FTCDNL1: variants seen among roughly 807,000 people sequenced by gnomAD.
FTCDNL1 encodes the protein formiminotransferase N-terminal subdomain-containing protein.
FTCDNL1 carries 11 observed loss-of-function variants against 5.9 expected under a neutral mutation model. The observed-to-expected ratio is 1.87, with a 90% confidence interval of 1.18 to 3.10. The LOEUF is 3.10. FTCDNL1 is among the 30% of genes most tolerant of loss of function. FTCDNL1 has a pLI of 0.00. For synonymous variants in FTCDNL1, 58 were observed against 24.8 expected (o/e 2.34, Z -3.99); for missense variants, 115 against 65.5 (o/e 1.76, Z -2.61).
At chr2:199,671,498 C>T in the FTCDNL1 span, among the ~76,000 whole-genome samples, 1 of 152,122 alleles carries the variant, frequency 6.6e-6, no homozygotes, top group Non-Finnish European at 1.5e-5. Context: ...CTCCCAAACT[C>T]TCTTACATAT....
At chr2:199,680,333 C>T in the FTCDNL1 span, among the ~76,000 whole-genome samples, 1 of 152,126 alleles carries the variant, frequency 6.6e-6, no homozygotes, top group Admixed American at 6.5e-5. Flanking sequence ...ATAACAATTC[C>T]ACTTGAGTAG....
At chr2:199,758,824 T>G (rs112044692), downstream of FTCDNL1, among the ~76,000 whole-genome samples, 7 of 152,272 alleles carry the variant, frequency 4.6e-5, no homozygotes, top group African/African-American at 1.7e-4. Flanking sequence ...CCTCAGGGGA[T>G]TCTGATGCTC....
intron 3 of FTCDNL1, among the ~76,000 whole-genome samples, chr2:199,823,976 T>C (rs1701859221): frequency 1.3e-5 from 2 of 152,148 alleles, no homozygotes; most frequent in South Asian, 4.1e-4. Flanking sequence ...GCCACCTTCA[T>C]CCTTTTCTTT....
At chr2:199,848,396 T>C (rs936647314) in intron 2 of FTCDNL1, among the ~76,000 whole-genome samples, 6 of 152,256 alleles carry the variant, frequency 3.9e-5, no homozygotes, top group African/African-American at 1.4e-4. Context: ...TGGGCTTTGC[T>C]GGCAGGAGTG....
At chr2:199,744,754 C>T in the FTCDNL1 span, among the ~76,000 whole-genome samples, 1 of 152,166 alleles carries the variant, frequency 6.6e-6, no homozygotes, top group Non-Finnish European at 1.5e-5. Context: ...TTCCTTACGT[C>T]GGAGTTTAAG....
intron 4 of FTCDNL1, among the ~76,000 whole-genome samples, chr2:199,817,916 A>G (rs902158167): frequency 6.6e-6 from 1 of 152,216 alleles, no homozygotes; most frequent in African/African-American, 2.4e-5. Context: ...AAACAACTAC[A>G]TATCAAGTTT....
rs2076857516 is a variant in FTCDNL1 at position 199,850,788 on chromosome 2, C to G, written c.-56G>C. The G allele has an allele frequency of 6.6e-6, 1 of 152,420 alleles. No homozygotes were observed. The highest frequency in any genetic ancestry group is 2.4e-5 in the African/African-American group (1 of 41,468). The allele number at this position is 152,420 out of a possible 1,614,324, so 9.4% of individuals were successfully genotyped here. A position where few individuals can be genotyped will look rare whatever the true frequency, so the allele number is the denominator to read the frequency against. ...CCGGCACTTGGAGGCCGCAAGGACGCTCGCCAGGCTGCCGCAACGCGTGCT... is the reference window on the plus strand; with the variant it reads ...CCGGCACTTGGAGGCCGCAAGGACGGTCGCCAGGCTGCCGCAACGCGTGCT... On this transcript the variant is annotated 5_prime_UTR_variant, in exon 1 of 5. Transcript: ENST00000420128.
At chr2:199,761,930 T>C (rs755912540) in intron 3 of FTCDNL1, among the ~76,000 whole-genome samples, 8 of 152,236 alleles carry the variant, frequency 5.3e-5, no homozygotes, top group Non-Finnish European at 7.3e-5. Flanking sequence ...TCTCACATTA[T>C]CTTTCAGTTA....
chr2:199,789,783 A>C (rs1167081432), intron 3 of FTCDNL1, among the ~76,000 whole-genome samples: 1 of 152,168 alleles, frequency 6.6e-6, no homozygotes, highest in African/African-American at 2.4e-5. Flanking sequence ...TATAAGATAA[A>C]TATCTAAATA....
chr2:199,699,952 G>A, the FTCDNL1 span, among the ~76,000 whole-genome samples: 3 of 152,098 alleles, frequency 2.0e-5, no homozygotes, highest in South Asian at 4.2e-4. Context: ...CATACTGAAT[G>A]AGCAAAAGCT....
At chr2:199,824,780 C>T (rs1302066170) in intron 3 of FTCDNL1, among the ~76,000 whole-genome samples, 1 of 152,172 alleles carries the variant, frequency 6.6e-6, no homozygotes, top group East Asian at 1.9e-4. Flanking sequence ...TCAGTTATCT[C>T]TTATGTGGTT....
the FTCDNL1 span, among the ~76,000 whole-genome samples, chr2:199,734,763 G>A: frequency 6.6e-6 from 1 of 152,186 alleles, no homozygotes; most frequent in Admixed American, 6.5e-5. Flanking sequence ...AAAGGATAGA[G>A]TTTGCTAAGG....
chr2:199,789,921 G>A (rs1344763263), intron 3 of FTCDNL1, among the ~76,000 whole-genome samples: 1 of 151,972 alleles, frequency 6.6e-6, no homozygotes, highest in Non-Finnish European at 1.5e-5. Flanking sequence ...TAAAGAGGAT[G>A]GTAACTCTAC....
chr2:199,768,766 T>C (rs1041944910), intron 3 of FTCDNL1, among the ~76,000 whole-genome samples: 3 of 152,190 alleles, frequency 2.0e-5, no homozygotes, highest in Non-Finnish European at 4.4e-5. Context: ...GCAAGAGTTC[T>C]ACTTGTATCA....
rs1402050768 is a variant in FTCDNL1, at chr2:199,846,123, C to A, written c.163G>T (p.Asp55Tyr). Residue 55 changes from aspartate to tyrosine, a missense_variant, in exon 3 of 5, where the codon GAC becomes TAC. Coordinates refer to ENST00000420128, the MANE Select transcript of FTCDNL1 (RefSeq NM_001363886.2). ...ATTGTAATGACTGATCTCTTGTAGTCTTGATCGGAAAATATATTGAGCACT... is the reference window on the plus strand; with the variant it reads ...ATTGTAATGACTGATCTCTTGTAGTATTGATCGGAAAATATATTGAGCACT... ...VSVLNIFSDQ[D>Y]YKRSVITIAT... The A allele has an allele frequency of 4.3e-6, 3 of 699,994 alleles. No homozygotes were observed. In the Admixed American group the frequency reaches 6.0e-5, roughly 14 times the overall value. The allele number at this position is 699,994 out of a possible 1,614,324, so 43.4% of individuals were successfully genotyped here. A position where few individuals can be genotyped will look rare whatever the true frequency, so the allele number is the denominator to read the frequency against.
chr2:199,826,197 G>T (rs1299816929), intron 3 of FTCDNL1, among the ~76,000 whole-genome samples: 2 of 152,162 alleles, frequency 1.3e-5, no homozygotes, highest in Non-Finnish European at 2.9e-5. Flanking sequence ...CTTTAATCTG[G>T]TTCCTAAAGG....
intron 3 of FTCDNL1, among the ~76,000 whole-genome samples, chr2:199,803,335 A>C (rs899116030): frequency 1.3e-5 from 2 of 152,160 alleles, no homozygotes; most frequent in Admixed American, 1.3e-4. Flanking sequence ...GGGGTGAGTC[A>C]ACTAACTGGA....
the FTCDNL1 span, among the ~76,000 whole-genome samples, chr2:199,695,389 A>G: frequency 1.3e-5 from 2 of 152,254 alleles, no homozygotes; most frequent in Non-Finnish European, 1.5e-5. Context: ...GGGCACTTGG[A>G]ACATGGCTAG....
chr2:199,832,963 C>T (rs1702471329), intron 3 of FTCDNL1, among the ~76,000 whole-genome samples: 1 of 151,522 alleles, frequency 6.6e-6, no homozygotes, highest in Non-Finnish European at 1.5e-5. Context: ...GATTGTTCAG[C>T]TCCCTAATTT....
Sources: allele counts gnomAD v4.1 joint callset (sites outside exome capture counted in the v4.1 genomes callset), GRCh38; gene constraint gnomAD v4.1.1; transcripts MANE v1.5; gene names NCBI Gene and HGNC (gene_info 2026-07-23, HGNC 2026-07-21).